Variants in PTPRQ observed in about 807,000 individuals in gnomAD.
PTPRQ encodes the protein protein tyrosine phosphatase receptor type Q.
PTPRQ carries 199 observed loss-of-function variants against 246.0 expected under a neutral mutation model. The ratio of observed to expected loss-of-function variants is 0.81; its 90% CI spans 0.72 to 0.91. PTPRQ has a LOEUF of 0.91. PTPRQ is among the 40% of genes least tolerant of loss of function. The probability of loss-of-function intolerance (pLI) is 0.00; values close to 1 mark genes in which losing one functional copy is unlikely to be tolerated. For synonymous variants in PTPRQ, 869 were observed against 853.2 expected, an observed-to-expected ratio of 1.02 and a Z score of -0.32; for missense variants, 2,624 against 2,528.4, an observed-to-expected ratio of 1.04 and a Z score of -0.81.
At chr12:80,513,935 G>A (rs996024802) in intron 17 of PTPRQ, among the ~76,000 whole-genome samples, 1 of 152,118 alleles carries the variant, frequency 6.6e-6, no homozygotes, top group Non-Finnish European at 1.5e-5. Context: ...ACACCCTGCT[G>A]TAGCTCTGGA....
At chr12:80,546,430 A>C (rs1262633025) in intron 23 of PTPRQ, 126 bp from the exon 24 acceptor site, 1 of 957,534 alleles carries the variant, frequency 1.0e-6, no homozygotes, top group Non-Finnish European at 1.5e-6. Context: ...TTTTATTATA[A>C]TTTAAAATAT....
intron 8 of PTPRQ, among the ~76,000 whole-genome samples, chr12:80,483,819 G>T (rs1378144198): frequency 6.6e-6 from 1 of 151,832 alleles, no homozygotes; most frequent in Non-Finnish European, 1.5e-5. Flanking sequence ...CCTCTTATGA[G>T]TGTGAACATG....
intron 8 of PTPRQ, among the ~76,000 whole-genome samples, chr12:80,478,254 C>G (rs949319155): frequency 6.6e-6 from 1 of 151,612 alleles, no homozygotes. Flanking sequence ...TGGGAGGCAT[C>G]CCCCAGCAGG....
chr12:80,480,473 C>G (rs1290087282), intron 8 of PTPRQ, among the ~76,000 whole-genome samples: 1 of 149,024 alleles, frequency 6.7e-6, no homozygotes, highest in Non-Finnish European at 1.5e-5. Flanking sequence ...ACTAGAAAAG[C>G]AAGAGCAAAC....
chr12:80,515,974 T>C (rs1315882238), intron 17 of PTPRQ, among the ~76,000 whole-genome samples: 1 of 152,178 alleles, frequency 6.6e-6, no homozygotes, highest in Non-Finnish European at 1.5e-5. Flanking sequence ...TTCTGAAGTT[T>C]GCTTTGCAAA....
intron 20 of PTPRQ, among the ~76,000 whole-genome samples, chr12:80,541,125 G>A (rs183441194): frequency 6.6e-6 from 1 of 152,152 alleles, no homozygotes; most frequent in East Asian, 1.9e-4. Flanking sequence ...CCTTGGAGAA[G>A]TAACTTAATG....
intron 8 of PTPRQ, among the ~76,000 whole-genome samples, chr12:80,483,081 GTTTAT>G (rs1894131148): frequency 8.0e-6 from 1 of 124,950 alleles, no homozygotes; most frequent in African/African-American, 3.3e-5. Flanking sequence ...GCACACGTAT[GTTTAT>G]TGTGGCACTA....
chr12:80,499,209 A>C (rs965587653), intron 14 of PTPRQ, among the ~76,000 whole-genome samples: 5 of 152,026 alleles, frequency 3.3e-5, no homozygotes, highest in African/African-American at 1.2e-4. Context: ...AGAAGGGGAA[A>C]CCAACATATC....
intron 17 of PTPRQ, among the ~76,000 whole-genome samples, chr12:80,513,519 G>C (rs1895186446): frequency 6.6e-6 from 1 of 152,136 alleles, no homozygotes; most frequent in Admixed American, 6.5e-5. Flanking sequence ...TATAGGCACA[G>C]GATGGGGGCG....
At chr12:80,578,047 A>T (rs1670922073) in intron 25 of PTPRQ, among the ~76,000 whole-genome samples, 1 of 148,574 alleles carries the variant, frequency 6.7e-6, no homozygotes, top group South Asian at 2.1e-4. Context: ...AGAATGGGAA[A>T]TTTTTTTTTT....
At position 80,459,284 on chromosome 12, in the gene PTPRQ, C is replaced by T. The variant is rs950640253; in HGVS notation, c.461C>T (p.Ala154Val). The T allele has an allele frequency of 7.5e-6, 3 of 398,262 alleles. No individual in the cohort carries two copies. The highest frequency in any genetic ancestry group is 4.1e-5 in the African/African-American group (2 of 48,622). The allele number at this position is 398,262 out of a possible 1,614,324, so 24.7% of individuals were successfully genotyped here. The stretch of plus-strand genomic sequence containing the variant: ...CCTTCCCAATCTTTCTCTTCCCCAG[C>T]TCCAGGAAAAGTGGTGAATCTCACA... ...DPFLFQTAES[A>V]PGKVVNLTVE... The change falls in exon 5 of 45, where the codon GCT becomes GTT. Residue 154 changes from alanine (A) to valine (V), a missense_variant and splice_region_variant. Ala to Val is a moderately conservative substitution (Grantham distance 64). Coordinates refer to ENST00000644991, the MANE Select transcript of PTPRQ (RefSeq NM_001145026.2).
intron 25 of PTPRQ, among the ~76,000 whole-genome samples, chr12:80,586,286 C>T (rs1030600523): frequency 6.6e-6 from 1 of 151,394 alleles, no homozygotes; most frequent in African/African-American, 2.4e-5. Flanking sequence ...CCAAAAGACA[C>T]ATGAAAAAAT....
At chr12:80,653,641 G>C (rs1727385289) in intron 38 of PTPRQ, among the ~76,000 whole-genome samples, 1 of 152,064 alleles carries the variant, frequency 6.6e-6, no homozygotes, top group South Asian at 2.1e-4. Flanking sequence ...TGTATATTGG[G>C]GGAATAGCTA....
At chr12:80,620,424 G>A in intron 32 of PTPRQ, 48 bp downstream of exon 32, 1 of 1,541,634 alleles carries the variant, frequency 6.5e-7, no homozygotes, top group Non-Finnish European at 8.7e-7. Context: ...AAGCTAGTTA[G>A]TATCTTTCAT....
At chr12:80,660,000 G>C (rs73150800) in intron 39 of PTPRQ, among the ~76,000 whole-genome samples, 1 of 151,954 alleles carries the variant, frequency 6.6e-6, no homozygotes, top group Non-Finnish European at 1.5e-5. Context: ...TTCCACCTAC[G>C]TATTCCTACA....
At chr12:80,511,450 T>G (rs1014845986) in intron 17 of PTPRQ, among the ~76,000 whole-genome samples, 1 of 152,180 alleles carries the variant, frequency 6.6e-6, no homozygotes, top group Non-Finnish European at 1.5e-5. Flanking sequence ...ATTCATTCAT[T>G]GAACAATATT....
At chr12:80,467,618 CAAT>C (rs1893473826) in intron 6 of PTPRQ, among the ~76,000 whole-genome samples, 1 of 151,998 alleles carries the variant, frequency 6.6e-6, no homozygotes, top group Non-Finnish European at 1.5e-5. Context: ...AAATGTCCAA[CAAT>C]GATAGACTGG....
Position 80,445,653 on chromosome 12 carries a change from C to G in PTPRQ, c.326C>G (p.Ser109Ter). ...CAAACAGTATATACACAAGTCAGAT[C>G]AAAGCCAGACAGTCTGGAAGTTCTT... Reference protein sequence around the residue: ...WMQTVYTQVRSKPDSLEVLLT... With the variant: ...WMQTVYTQVR The change falls in exon 3 of 45, where the codon TCA becomes TGA. Residue 109 changes from serine to a stop codon, truncating the protein, a stop_gained. Transcript: ENST00000644991. LOFTEE classifies it high-confidence loss of function. The G allele has an allele frequency of 6.5e-7, 1 of 1,550,004 alleles. No individual in the cohort carries two copies. Among genetic ancestry groups the G allele is most frequent in the South Asian group, 1.2e-5 (1 of 84,008 alleles).
chr12:80,673,436 G>T, intron 43 of PTPRQ, 132 bp downstream of exon 43: 1 of 1,373,022 alleles, frequency 7.3e-7, no homozygotes, highest in Non-Finnish European at 9.5e-7. Context: ...TAAGCCTTTT[G>T]GGGAGGATTC....
Sources: gnomAD v4.1 joint callset for allele counts (sites outside exome capture counted in the v4.1 genomes callset) on GRCh38, gnomAD v4.1.1 for gene constraint, MANE v1.5 for transcripts, NCBI Gene and HGNC (gene_info 2026-07-23, HGNC 2026-07-21) for gene names.